The following STPG2 variants were observed in gnomAD, a reference collection of about 807,000 sequenced individuals.
STPG2 encodes sperm-tail PG-rich repeat-containing protein 2.
Under a neutral mutation model 54.2 loss-of-function variants are expected in STPG2, and 56 were observed. That is an observed-to-expected ratio of 1.03 (90% CI 0.83 to 1.29). The LOEUF (loss-of-function observed/expected upper bound fraction) is 1.29. Among genes scored for constraint, STPG2 ranks in the 50% most tolerant of loss-of-function variants. The pLI, the probability that STPG2 is intolerant of heterozygous loss-of-function variation, is 0.00. For synonymous variants in STPG2, 200 were observed against 181.8 expected (o/e 1.10, Z -0.81); for missense variants, 596 against 544.9 (o/e 1.09, Z -0.93).
At chr4:97,731,822 C>T (rs1265471664) in intron 9 of STPG2, among the ~76,000 whole-genome samples, 1 of 152,210 alleles carries the variant, frequency 6.6e-6, no homozygotes, top group Admixed American at 6.5e-5. Context: ...CAGCTAGATA[C>T]TCCTGATCTG....
intron 4 of STPG2, among the ~76,000 whole-genome samples, chr4:97,537,848 T>G (rs1193479315): frequency 6.6e-6 from 1 of 152,112 alleles, no homozygotes; most frequent in Non-Finnish European, 1.5e-5. Context: ...AGATGAAACC[T>G]CCAGAGGAAC....
intron 5 of STPG2, among the ~76,000 whole-genome samples, chr4:97,995,168 T>TC (rs1735162632): frequency 5.8e-5 from 2 of 34,642 alleles, no homozygotes; most frequent in Non-Finnish European, 1.2e-4. Flanking sequence ...CATTGCCCCC[T>TC]CACCCCCCCA....
At chr4:97,621,115 G>C (rs1733999546) in intron 10 of STPG2, among the ~76,000 whole-genome samples, 2 of 152,050 alleles carry the variant, frequency 1.3e-5, no homozygotes, top group Non-Finnish European at 2.9e-5. Flanking sequence ...CAACATACCA[G>C]AATCTCTGGG....
intron 8 of STPG2, among the ~76,000 whole-genome samples, chr4:97,896,166 G>C: frequency 6.6e-6 from 1 of 151,638 alleles, no homozygotes; most frequent in East Asian, 1.9e-4. Context: ...TCCAAACATA[G>C]AACACAATCT....
chr4:97,455,632 C>T (rs1324442535), intron 4 of STPG2, among the ~76,000 whole-genome samples: 1 of 152,208 alleles, frequency 6.6e-6, no homozygotes, highest in African/African-American at 2.4e-5. Flanking sequence ...CGGAATAAAA[C>T]CTTACGTTCA....
At chr4:97,751,242 T>C (rs899167859) in intron 9 of STPG2, among the ~76,000 whole-genome samples, 1 of 151,864 alleles carries the variant, frequency 6.6e-6, no homozygotes, top group African/African-American at 2.4e-5. Context: ...TCCTGGATTT[T>C]GCCCCATTTC....
intron 4 of STPG2, among the ~76,000 whole-genome samples, chr4:97,485,576 C>T (rs1291158725): frequency 6.6e-6 from 1 of 151,818 alleles, no homozygotes; most frequent in Non-Finnish European, 1.5e-5. Flanking sequence ...CAAATAGAAA[C>T]ATATCCCATG....
intron 8 of STPG2, among the ~76,000 whole-genome samples, chr4:97,929,846 G>C (rs559690587): frequency 6.6e-6 from 1 of 152,182 alleles, no homozygotes; most frequent in African/African-American, 2.4e-5. Flanking sequence ...TCTGTTGATA[G>C]TTTCCTTTAC....
At chr4:97,900,220 G>A (rs1159977150) in intron 8 of STPG2, among the ~76,000 whole-genome samples, 1 of 152,128 alleles carries the variant, frequency 6.6e-6, no homozygotes, top group Non-Finnish European at 1.5e-5. Flanking sequence ...AAACCACAAT[G>A]AGATAGTGTT....
intron 9 of STPG2, among the ~76,000 whole-genome samples, chr4:97,740,813 A>T (rs1421743713): frequency 6.6e-6 from 1 of 152,222 alleles, no homozygotes; most frequent in Non-Finnish European, 1.5e-5. Context: ...ATTCAATGCC[A>T]TCCCCATCAA....
At chr4:97,484,737 C>G (rs988578898) in intron 4 of STPG2, among the ~76,000 whole-genome samples, 1 of 151,380 alleles carries the variant, frequency 6.6e-6, no homozygotes, top group Non-Finnish European at 1.5e-5. Context: ...TTAATACCAA[C>G]CAGGAAAGGA....
chr4:98,135,061 G>T (rs4699329), intron 1 of STPG2, among the ~76,000 whole-genome samples: 7 of 151,442 alleles, frequency 4.6e-5, no homozygotes, highest in Admixed American at 4.6e-4. Flanking sequence ...TGAAAAACTG[G>T]TACTAAAAAA....
chr4:97,875,271 C>T (rs1358452607), intron 8 of STPG2, among the ~76,000 whole-genome samples: 2 of 151,872 alleles, frequency 1.3e-5, no homozygotes, highest in African/African-American at 4.8e-5. Context: ...TTGAATAAAA[C>T]TGCCTGTTTT....
intron 9 of STPG2, among the ~76,000 whole-genome samples, chr4:97,767,023 A>G (rs165245): frequency 1 from 152,138 of 152,154 alleles, 76,061 homozygotes; most frequent in Middle Eastern, 1. Context: ...CTATATGTCT[A>G]AAATTTCAAA....
intron 8 of STPG2, among the ~76,000 whole-genome samples, chr4:97,856,217 G>T (rs941483700): frequency 6.6e-6 from 1 of 152,138 alleles, no homozygotes; most frequent in African/African-American, 2.4e-5. Context: ...GTCAATGGTG[G>T]TTTAATGGAA....
chr4:97,641,125 C>A (rs1721754102), intron 10 of STPG2, among the ~76,000 whole-genome samples: 2 of 151,446 alleles, frequency 1.3e-5, no homozygotes, highest in African/African-American at 2.4e-5. Context: ...ACATGATAGC[C>A]AGGACAACAA....
Position 97,777,949 on chromosome 4 carries a change from G to A in STPG2, c.1204+62824C>T, listed in dbSNP as rs987121562. ...TCAGGGGGGTGGTTCCAAGATGGCC[G>A]AATAGGAACAACTCCAGTCTACAGC... On this transcript the variant is annotated intron_variant, in intron 9 of 10. Coordinates refer to ENST00000295268, the MANE Select transcript of STPG2 (RefSeq NM_174952.3). Among the ~76,000 whole-genome samples the A allele has an allele frequency of 5.3e-5, 8 of 152,206 alleles. No individual in the cohort carries two copies. In the South Asian group the frequency reaches 8.3e-4, roughly 16 times the overall value.
At chr4:97,471,974 C>A (rs1188812895) in intron 4 of STPG2, among the ~76,000 whole-genome samples, 1 of 152,116 alleles carries the variant, frequency 6.6e-6, no homozygotes, top group East Asian at 1.9e-4. Context: ...ATACATCACA[C>A]AAAATCATAT....
intron 4 of STPG2, among the ~76,000 whole-genome samples, chr4:97,552,482 C>A (rs1423173782): frequency 6.6e-6 from 1 of 151,928 alleles, no homozygotes; most frequent in Non-Finnish European, 1.5e-5. Context: ...AGGTTTAATT[C>A]TAATTTCTAA....
Sources: allele counts gnomAD v4.1 joint callset (sites outside exome capture counted in the v4.1 genomes callset), GRCh38; gene constraint gnomAD v4.1.1; transcripts MANE v1.5; gene names NCBI Gene and HGNC (gene_info 2026-07-23, HGNC 2026-07-21).